PAX7: variants seen among roughly 807,000 people sequenced by gnomAD.
The protein encoded by PAX7 is paired box protein Pax-7.
A neutral mutation model predicts 50.7 loss-of-function variants in PAX7; 18 were observed. The observed-to-expected ratio is 0.36, with a 90% CI of 0.25 to 0.53. The LOEUF (loss-of-function observed/expected upper bound fraction) is 0.53, where lower values mean the gene tolerates loss of function less well. Ranked by LOEUF, PAX7 falls within the 20% of genes least tolerant of loss-of-function variation. The probability of loss-of-function intolerance (pLI) is 0.93; values close to 1 mark genes in which losing one functional copy is unlikely to be tolerated. For missense variants in PAX7, 644 were observed against 702.9 expected (o/e 0.92, Z 0.95); for synonymous variants, 310 against 290.4 (o/e 1.07, Z -0.69).
At chr1:18,688,210 A>G (rs2089004346) in intron 4 of PAX7, among the ~76,000 whole-genome samples, 1 of 152,254 alleles carries the variant, frequency 6.6e-6, no homozygotes, top group Non-Finnish European at 1.5e-5. Context: ...GAAAATGAGT[A>G]TCATTTCCTG....
At chr1:18,744,429 AGGATGGATGGATGGATGGATGGAT>A (rs375857866) in intron 8 of PAX7, among the ~76,000 whole-genome samples, 4 of 60,470 alleles carry the variant, frequency 6.6e-5, no homozygotes, top group East Asian at 4.1e-4. Flanking sequence ...GATAGATGGA[AGGATGGATGGATGGATGGATGGAT>A]GGATGGATGG....
chr1:18,700,076 CCGTGTGTGTG>C lies in PAX7; in HGVS notation c.787-576_787-567del, dbSNP rs1305832430. 3.5e-5 allele frequency among the ~76,000 whole-genome samples: 4 copies of C among 115,682 alleles called. No individual in the cohort carries two copies. Among genetic ancestry groups the C allele is most frequent in the African/African-American group, 1.1e-4 (3 of 26,604 alleles). The allele number at this position is 115,682 out of a possible 152,430, so 75.9% of individuals were successfully genotyped here. ...ATTATCCCACTAATGTTTGATAAAT[CCGTGTGTGTG>C]TGTGTGTGTGTGTGTGTGTGTGTGT... is the stretch of plus-strand genomic sequence containing the variant. On this transcript the variant is annotated intron_variant, in intron 5 of 8. Coordinates refer to ENST00000420770, the MANE Select transcript of PAX7 (RefSeq NM_001135254.2). The surrounding 1 kb of genome is among the most constrained non-coding windows in gnomAD (Gnocchi z 4.8).
At chr1:18,714,152 A>G (rs2089388785) in intron 7 of PAX7, among the ~76,000 whole-genome samples, 1 of 152,018 alleles carries the variant, frequency 6.6e-6, no homozygotes, top group Non-Finnish European at 1.5e-5. Context: ...GGCTGCAGTG[A>G]GCCGAGATCT....
rs538422313 is a variant in PAX7 at position 18,689,996 on chromosome 1, A to C, written c.587-1758A>C. Reference sequence around the variant, plus strand: ...GTGGAAGGGGTCAGGGGCGGGGAGCACAGTTTGAGTGAACCTCACGTTACC... The same window carrying C: ...GTGGAAGGGGTCAGGGGCGGGGAGCCCAGTTTGAGTGAACCTCACGTTACC... On this transcript the variant is annotated intron_variant, in intron 4 of 8. Coordinates refer to ENST00000420770, the MANE Select transcript of PAX7 (RefSeq NM_001135254.2). 3.0e-3 allele frequency among the ~76,000 whole-genome samples: 454 copies of C among 152,312 alleles called. 1 individual carries two copies. The highest frequency in any genetic ancestry group is 0.01 in the African/African-American group (428 of 41,584).
chr1:18,683,716 T>C (rs2088932268), intron 4 of PAX7, among the ~76,000 whole-genome samples: 1 of 152,154 alleles, frequency 6.6e-6, no homozygotes, highest in Non-Finnish European at 1.5e-5. Context: ...GGTCGGTGCC[T>C]CTAATCCCAG....
chr1:18,707,051 C>T (rs911464666), intron 7 of PAX7, among the ~76,000 whole-genome samples: 1 of 152,180 alleles, frequency 6.6e-6, no homozygotes, highest in African/African-American at 2.4e-5. Context: ...CTGCACGTGC[C>T]CCCTGGCTTG....
chr1:18,694,860 T>C (rs772747393), intron 5 of PAX7, among the ~76,000 whole-genome samples: 1 of 152,188 alleles, frequency 6.6e-6, no homozygotes, highest in Admixed American at 6.5e-5. Context: ...TTACCAGAAG[T>C]GTTCAAACAA....
At chr1:18,730,127 G>A (rs1055017950) in intron 7 of PAX7, among the ~76,000 whole-genome samples, 1 of 152,144 alleles carries the variant, frequency 6.6e-6, no homozygotes, top group Admixed American at 6.5e-5. Flanking sequence ...CAATGCACCA[G>A]GCATGGCACA....
chr1:18,697,720 G>C (rs1233044792), intron 5 of PAX7, among the ~76,000 whole-genome samples: 1 of 152,128 alleles, frequency 6.6e-6, no homozygotes, highest in Non-Finnish European at 1.5e-5. Context: ...GGCAACAAAG[G>C]CATGCCCTCT....
chr1:18,699,384 A>G (rs2089187561), intron 5 of PAX7, among the ~76,000 whole-genome samples: 1 of 152,166 alleles, frequency 6.6e-6, no homozygotes, highest in Non-Finnish European at 1.5e-5. Flanking sequence ...CTGAGCTCTG[A>G]AGGCCAAAGA....
rs140547111 is a variant in PAX7, at chr1:18,705,598, A to G, written c.1155+2302A>G. 1.8e-3 allele frequency among the ~76,000 whole-genome samples: 269 copies of G among 152,304 alleles called. 1 individual carries two copies. Among genetic ancestry groups the G allele is most frequent in the African/African-American group, 6.1e-3 (252 of 41,568 alleles). On this transcript the variant is annotated intron_variant, in intron 7 of 8. Coordinates refer to ENST00000420770, the MANE Select transcript of PAX7 (RefSeq NM_001135254.2). ...TATCCCCAACACAGGACTCTGTCAC[A>G]GGACAAAAGAGAGACTTAGCAAAGA...
chr1:18,644,723 C>T (rs2088311337), intron 4 of PAX7, among the ~76,000 whole-genome samples: 1 of 151,970 alleles, frequency 6.6e-6, no homozygotes, highest in South Asian at 2.1e-4. Flanking sequence ...CTGCTTCCTC[C>T]CCTCTCCAAA....
chr1:18,656,554 G>A (rs1443714523), intron 4 of PAX7, among the ~76,000 whole-genome samples: 1 of 152,030 alleles, frequency 6.6e-6, no homozygotes, highest in Non-Finnish European at 1.5e-5. Context: ...TTGAAATTTG[G>A]ATTTGGAAAG....
chr1:18,722,570 C>G (rs1383396143), intron 7 of PAX7, among the ~76,000 whole-genome samples: 3 of 151,994 alleles, frequency 2.0e-5, no homozygotes, highest in Admixed American at 6.5e-5. Context: ...GGGGCTGCTC[C>G]GGAGAAGATA....
intron 8 of PAX7, among the ~76,000 whole-genome samples, chr1:18,743,421 A>G (rs2100419470): frequency 6.6e-6 from 1 of 152,322 alleles, no homozygotes; most frequent in South Asian, 2.1e-4. Flanking sequence ...GGCTCCACCC[A>G]CCTGCCCTGG....
intron 4 of PAX7, among the ~76,000 whole-genome samples, chr1:18,645,224 T>G (rs2088319108): frequency 6.6e-6 from 1 of 152,148 alleles, no homozygotes; most frequent in Non-Finnish European, 1.5e-5. Context: ...CAAGCTGACC[T>G]CTGGAGTGGC....
intron 5 of PAX7, among the ~76,000 whole-genome samples, chr1:18,697,997 A>G (rs1289941601): frequency 6.6e-6 from 1 of 152,140 alleles, no homozygotes; most frequent in Non-Finnish European, 1.5e-5. Context: ...GAGTAGGAAA[A>G]GAAAAGGAAG....
At chr1:18,682,249 A>T (rs1026009524) in intron 4 of PAX7, among the ~76,000 whole-genome samples, 1 of 152,046 alleles carries the variant, frequency 6.6e-6, no homozygotes, top group Non-Finnish European at 1.5e-5. Flanking sequence ...TTGGAGTCAG[A>T]CAGAGCATAT....
At chr1:18,720,274 C>T (rs1015294406) in intron 7 of PAX7, among the ~76,000 whole-genome samples, 5 of 152,304 alleles carry the variant, frequency 3.3e-5, no homozygotes, top group South Asian at 4.1e-4. Flanking sequence ...AAAGTAAACA[C>T]CCTGAACAGC....
Sources: gnomAD v4.1 joint callset for allele counts (sites outside exome capture counted in the v4.1 genomes callset) on GRCh38, gnomAD v4.1.1 for gene constraint, Gnocchi (gnomAD v3.1) non-coding constraint, MANE v1.5 for transcripts, NCBI Gene and HGNC (gene_info 2026-07-23, HGNC 2026-07-21) for gene names.